Variants in PPM1L observed in about 807,000 individuals in gnomAD.
The protein encoded by PPM1L is protein phosphatase 1L.
PPM1L carries 13 observed loss-of-function variants against 31.4 expected under a neutral mutation model. That is an observed-to-expected ratio of 0.41 (90% CI 0.27 to 0.66). The LOEUF is 0.66. Ranked by LOEUF, PPM1L falls within the 30% of genes least tolerant of loss-of-function variation. The pLI is 0.29. For missense variants in PPM1L, 326 were observed against 453.7 expected (o/e 0.72, Z 2.56); for synonymous variants, 184 against 175.4 (o/e 1.05, Z -0.39).
chr3:160,832,895 C>G (rs1365685191), intron 1 of PPM1L, among the ~76,000 whole-genome samples: 2 of 152,068 alleles, frequency 1.3e-5, no homozygotes, highest in African/African-American at 4.8e-5. Context: ...TGCATTAGCT[C>G]TTTTTCCTAA....
intron 1 of PPM1L, among the ~76,000 whole-genome samples, chr3:160,782,759 ATGT>A (rs1711786485): frequency 6.6e-6 from 1 of 152,212 alleles, no homozygotes; most frequent in Non-Finnish European, 1.5e-5. Context: ...GAGCTTAGAA[ATGT>A]TGTAAAGTAA....
chr3:160,884,276 G>A (rs1481513787), intron 1 of PPM1L, among the ~76,000 whole-genome samples: 1 of 152,192 alleles, frequency 6.6e-6, no homozygotes, highest in African/African-American at 2.4e-5. Flanking sequence ...GAAAGGCTTT[G>A]TGGAGGAGCT....
At position 160,829,328 on chromosome 3, in the gene PPM1L, C is replaced by T. The variant is rs76328848; in HGVS notation, c.399+72621C>T. 6.7e-3 allele frequency among the ~76,000 whole-genome samples: 1,015 copies of T among 152,112 alleles called. 13 individuals are homozygous for T. Among genetic ancestry groups the T allele is most frequent in the African/African-American group, 0.023 (955 of 41,514 alleles). On this transcript the variant is annotated intron_variant, in intron 1 of 3. Coordinates refer to ENST00000498165, the MANE Select transcript of PPM1L (RefSeq NM_139245.4). ...ATGTGTAATATGTCAATGAGAGAAT[C>T]GGATGAAACAAGGGAGCACAACTGG...
intron 1 of PPM1L, among the ~76,000 whole-genome samples, chr3:160,800,386 C>CT (rs1378080008): frequency 1.3e-5 from 2 of 152,058 alleles, no homozygotes; most frequent in Non-Finnish European, 2.9e-5. Flanking sequence ...TTGTCAAAAT[C>CT]TTTAATACTT....
At chr3:160,948,471 G>A (rs1234476995) in intron 1 of PPM1L, among the ~76,000 whole-genome samples, 1 of 152,154 alleles carries the variant, frequency 6.6e-6, no homozygotes, top group Non-Finnish European at 1.5e-5. Flanking sequence ...GAGGGGTCAG[G>A]TCAGTGTTCT....
chr3:160,966,302 A>T (rs1716140914), intron 2 of PPM1L, among the ~76,000 whole-genome samples: 1 of 152,174 alleles, frequency 6.6e-6, no homozygotes, highest in Admixed American at 6.6e-5. Context: ...AAATGAACAG[A>T]AATATGTAGA....
chr3:160,907,284 A>G (rs961563298), intron 1 of PPM1L, among the ~76,000 whole-genome samples: 1 of 152,190 alleles, frequency 6.6e-6, no homozygotes, highest in African/African-American at 2.4e-5. Flanking sequence ...GTGAGAAATA[A>G]ATAGTTTAGG....
intron 1 of PPM1L, among the ~76,000 whole-genome samples, chr3:160,816,466 AAGAC>A (rs1304767386): frequency 7.1e-6 from 1 of 141,290 alleles, no homozygotes; most frequent in African/African-American, 2.8e-5. Flanking sequence ...AGATTTAAGA[AAGAC>A]AGAGTCTGTT....
intron 2 of PPM1L, among the ~76,000 whole-genome samples, chr3:161,026,697 CAAAA>C (rs5853919): frequency 7.6e-6 from 1 of 131,802 alleles, no homozygotes; most frequent in Non-Finnish European, 1.7e-5. Flanking sequence ...GACTCTGTCT[CAAAA>C]AAAAAAAAAA....
At position 160,967,585 on chromosome 3, in the gene PPM1L, C is replaced by T. The variant is rs112840694; in HGVS notation, c.574+5675C>T. 7.8e-3 allele frequency among the ~76,000 whole-genome samples: 1,192 copies of T among 152,082 alleles called. 16 individuals carry two copies. Among genetic ancestry groups the T allele is most frequent in the African/African-American group, 0.027 (1,132 of 41,534 alleles). ...CACCCCTTTGATCTAATCAGCATCC[C>T]CCACCTCATAATACCATCACCATGA... On this transcript the variant is annotated intron_variant, in intron 2 of 3. Coordinates refer to ENST00000498165, the MANE Select transcript of PPM1L (RefSeq NM_139245.4).
At chr3:160,874,251 T>C (rs1712423368) in intron 1 of PPM1L, among the ~76,000 whole-genome samples, 1 of 152,180 alleles carries the variant, frequency 6.6e-6, no homozygotes. Context: ...TTTATTCTTT[T>C]TAGCAGTGGT....
intron 3 of PPM1L, 69 bp downstream of exon 3, chr3:161,065,633 G>T (rs1019552195): frequency 6.8e-7 from 1 of 1,476,682 alleles, no homozygotes; most frequent in African/African-American, 1.4e-5. Context: ...TGCTTGGAGA[G>T]CTCCTGGATA....
At chr3:161,027,128 A>G (rs1718423701) in intron 2 of PPM1L, among the ~76,000 whole-genome samples, 1 of 152,238 alleles carries the variant, frequency 6.6e-6, no homozygotes, top group African/African-American at 2.4e-5. Flanking sequence ...ACTCAGAGGT[A>G]TATCTAACCA....
At chr3:160,959,568 G>A (rs929361407) in intron 1 of PPM1L, among the ~76,000 whole-genome samples, 1 of 152,232 alleles carries the variant, frequency 6.6e-6, no homozygotes, top group South Asian at 2.1e-4. Flanking sequence ...GGTTGCTCAC[G>A]CCTGTAATCT....
At chr3:161,012,322 A>G (rs1430131368) in intron 2 of PPM1L, among the ~76,000 whole-genome samples, 8 of 152,210 alleles carry the variant, frequency 5.3e-5, no homozygotes, top group Non-Finnish European at 8.8e-5. Context: ...GATTCCATTT[A>G]TTGATTTGCG....
intron 2 of PPM1L, among the ~76,000 whole-genome samples, chr3:161,003,376 A>G (rs1717577038): frequency 6.6e-6 from 1 of 151,952 alleles, no homozygotes; most frequent in Admixed American, 6.6e-5. Flanking sequence ...TTCTGTGAAG[A>G]AAGGCATTGG....
intron 1 of PPM1L, among the ~76,000 whole-genome samples, chr3:160,833,767 T>A (rs1029681431): frequency 6.6e-6 from 1 of 152,150 alleles, no homozygotes; most frequent in African/African-American, 2.4e-5. Flanking sequence ...GTGCAGAAGC[T>A]ATTTAGTTTA....
chr3:160,795,000 G>T (rs143559989), intron 1 of PPM1L, among the ~76,000 whole-genome samples: 18 of 152,214 alleles, frequency 1.2e-4, no homozygotes, highest in Admixed American at 5.2e-4. Flanking sequence ...GCATGACTGA[G>T]CCCATATTTG....
chr3:160,938,393 G>C (rs1715048809), intron 1 of PPM1L, among the ~76,000 whole-genome samples: 1 of 152,084 alleles, frequency 6.6e-6, no homozygotes, highest in South Asian at 2.1e-4. Context: ...CTATCCTTTA[G>C]GTTTATGGAG....
Sources: allele counts gnomAD v4.1 joint callset (sites outside exome capture counted in the v4.1 genomes callset), GRCh38; gene constraint gnomAD v4.1.1; transcripts MANE v1.5; gene names NCBI Gene and HGNC (gene_info 2026-07-23, HGNC 2026-07-21).